BBX: variants seen among roughly 807,000 people sequenced by gnomAD.
BBX encodes the protein BBX high mobility group box domain containing.
A neutral mutation model predicts 100.2 loss-of-function variants in BBX; 30 were observed. That is an observed-to-expected ratio of 0.30 (90% confidence interval 0.22 to 0.41). BBX has a LOEUF of 0.41. BBX is among the 10% of genes least tolerant of loss of function. The probability of loss-of-function intolerance (pLI) is 1.00; values close to 1 mark genes in which losing one functional copy is unlikely to be tolerated. For missense variants in BBX, 1,023 were observed against 1,129.8 expected (o/e 0.91, Z 1.35); for synonymous variants, 376 against 388.1 (o/e 0.97, Z 0.37).
intron 16 of BBX, 69 bp from the exon 17 acceptor site, chr3:107,801,026 C>A: frequency 1.4e-6 from 2 of 1,447,064 alleles, no homozygotes; most frequent in Non-Finnish European, 1.9e-6. Context: ...ACTGGCACAG[C>A]GTTTTCTATG....
At chr3:107,706,118 G>A (rs1223518452) in intron 3 of BBX, among the ~76,000 whole-genome samples, 4 of 151,234 alleles carry the variant, frequency 2.6e-5, no homozygotes, top group Non-Finnish European at 4.4e-5. Flanking sequence ...TGTCTCCTGG[G>A]TTCAAGCGAT....
intron 2 of BBX, among the ~76,000 whole-genome samples, chr3:107,534,098 G>A (rs1424651206): frequency 1.3e-5 from 2 of 152,168 alleles, no homozygotes; most frequent in Non-Finnish European, 2.9e-5. Context: ...ACTTAAGTCA[G>A]TCTTCATTTG....
At chr3:107,552,909 G>A (rs537114678) in intron 2 of BBX, among the ~76,000 whole-genome samples, 35 of 152,178 alleles carry the variant, frequency 2.3e-4, no homozygotes, top group Non-Finnish European at 4.0e-4. Flanking sequence ...GGGATTTATA[G>A]ATCAAAGCCA....
intron 3 of BBX, among the ~76,000 whole-genome samples, chr3:107,686,220 G>C (rs1185966463): frequency 6.6e-6 from 1 of 152,124 alleles, no homozygotes; most frequent in Non-Finnish European, 1.5e-5. Context: ...TTACCCTCTT[G>C]TGGATTCACT....
At chr3:107,760,906 C>CAG (rs2065848095) in intron 10 of BBX, among the ~76,000 whole-genome samples, 1 of 152,134 alleles carries the variant, frequency 6.6e-6, no homozygotes, top group Admixed American at 6.5e-5. Flanking sequence ...AGATTTCTGA[C>CAG]TTCTGAAAAT....
chr3:107,769,324 A>G (rs2066702910), intron 10 of BBX, among the ~76,000 whole-genome samples: 2 of 152,196 alleles, frequency 1.3e-5, no homozygotes, highest in South Asian at 4.1e-4. Context: ...ATCATTTACA[A>G]GTTGTGTTTG....
At chr3:107,753,007 C>T (rs1159341007) in intron 9 of BBX, among the ~76,000 whole-genome samples, 3 of 152,084 alleles carry the variant, frequency 2.0e-5, no homozygotes, top group Non-Finnish European at 4.4e-5. Flanking sequence ...AAATTGAAGC[C>T]ATCAGCATAG....
At chr3:107,557,049 C>T (rs1326938032) in intron 2 of BBX, among the ~76,000 whole-genome samples, 1 of 152,062 alleles carries the variant, frequency 6.6e-6, no homozygotes, top group Admixed American at 6.5e-5. Flanking sequence ...AATTGACATA[C>T]AGTGAAATGC....
At chr3:107,595,908 A>T (rs955016507) in intron 2 of BBX, among the ~76,000 whole-genome samples, 1 of 152,236 alleles carries the variant, frequency 6.6e-6, no homozygotes, top group African/African-American at 2.4e-5. Context: ...TACCAGCAAC[A>T]TAAATAGTTG....
chr3:107,715,960 T>G (rs886588879), intron 4 of BBX, among the ~76,000 whole-genome samples: 3 of 152,222 alleles, frequency 2.0e-5, no homozygotes, highest in African/African-American at 7.2e-5. Context: ...GTTTGAAGAT[T>G]TATTGTGTAG....
At chr3:107,717,366 A>C (rs1389797) in intron 5 of BBX, among the ~76,000 whole-genome samples, 150,647 of 152,218 alleles carry the variant, frequency 0.99, 74,569 homozygotes, top group Middle Eastern at 1. Flanking sequence ...ATAAGTCAAC[A>C]TCTGCATCTC....
chr3:107,721,483 A>G (rs899860989), intron 5 of BBX, among the ~76,000 whole-genome samples: 3 of 151,894 alleles, frequency 2.0e-5, no homozygotes, highest in Non-Finnish European at 4.4e-5. Context: ...CTTTTTGAGT[A>G]TGGTTTAATT....
At chr3:107,610,467 G>T (rs1431246004) in intron 2 of BBX, among the ~76,000 whole-genome samples, 1 of 151,852 alleles carries the variant, frequency 6.6e-6, no homozygotes, top group Non-Finnish European at 1.5e-5. Flanking sequence ...TCTTATTGGG[G>T]TCTCTCTCTC....
intron 2 of BBX, among the ~76,000 whole-genome samples, chr3:107,619,663 T>C (rs915338227): frequency 1.3e-5 from 2 of 152,138 alleles, no homozygotes; most frequent in East Asian, 3.8e-4. Flanking sequence ...TTTTTCTTCA[T>C]TGGAGAGTGT....
At chr3:107,787,916 A>G (rs909669130) in intron 13 of BBX, among the ~76,000 whole-genome samples, 2 of 152,270 alleles carry the variant, frequency 1.3e-5, no homozygotes, top group Admixed American at 1.3e-4. Context: ...TGTGCAGAGG[A>G]CTGCCAGGAG....
rs1476375941 is a variant in BBX at position 107,809,020 on chromosome 3, A to G, written c.*3563A>G. 1.3e-5 allele frequency: 2 copies of G among 152,206 alleles called. No individual in the cohort carries two copies. The highest frequency in any genetic ancestry group is 1.3e-4 in the Admixed American group (2 of 15,272). 9.4% of individuals were successfully genotyped at this position (152,206 alleles called of 1,614,324 possible). A position where few individuals can be genotyped will look rare whatever the true frequency, so the allele number is the denominator to read the frequency against. On this transcript the variant is annotated 3_prime_UTR_variant, in exon 18 of 18. Coordinates refer to ENST00000325805, the MANE Select transcript of BBX (RefSeq NM_001142568.3). ...AACTGGTCTGGTTATTTAGAATCCA[A>G]TGTGTTCAAATCCTTTTGTTTTCTT...
At chr3:107,598,436 T>C (rs188974155) in intron 2 of BBX, among the ~76,000 whole-genome samples, 1 of 152,350 alleles carries the variant, frequency 6.6e-6, no homozygotes, top group Admixed American at 6.5e-5. Context: ...CTTACTCACA[T>C]TGACTAGTAC....
At chr3:107,698,035 A>G (rs1354613739) in intron 3 of BBX, among the ~76,000 whole-genome samples, 2 of 151,814 alleles carry the variant, frequency 1.3e-5, no homozygotes, top group East Asian at 1.9e-4. Flanking sequence ...GAGTGAGGCA[A>G]TGCCTCGCCC....
chr3:107,634,806 T>G lies in BBX; in HGVS notation c.-83-11030T>G, dbSNP rs80161661. On this transcript the variant is annotated intron_variant, in intron 2 of 17. Transcript: ENST00000325805. ...TGGAAATAAATCTTAGGTCTGAATT[T>G]ACATTTAATGATTCCTTTCTTTCTA... Among the ~76,000 whole-genome samples, 251 of 152,334 alleles carry G rather than the reference T, an allele frequency of 1.6e-3. 4 individuals are homozygous for G. In the East Asian group the frequency reaches 0.043, roughly 26 times the overall value.
Sources: allele counts gnomAD v4.1 joint callset (sites outside exome capture counted in the v4.1 genomes callset), GRCh38; gene constraint gnomAD v4.1.1; transcripts MANE v1.5; gene names NCBI Gene and HGNC (gene_info 2026-07-23, HGNC 2026-07-21).